The following EMG1 variants were observed in gnomAD, a reference collection of about 807,000 sequenced individuals.
EMG1 encodes EMG1 N1-specific pseudouridine methyltransferase, also known as ribosomal RNA small subunit methyltransferase NEP1.
EMG1 carries 24 observed loss-of-function variants against 26.9 expected under a neutral mutation model. The ratio of observed to expected loss-of-function variants is 0.89; its 90% CI spans 0.65 to 1.26. EMG1 has a LOEUF of 1.26. Among genes scored for constraint, EMG1 ranks in the 50% most tolerant of loss-of-function variants. EMG1 has a pLI of 0.00. For synonymous variants in EMG1, 140 were observed against 112.6 expected (o/e 1.24, Z -1.54); for missense variants, 299 against 307.6 (o/e 0.97, Z 0.21).
chr12:6,979,604 T>A lies in EMG1; in HGVS notation c.*3795T>A. On this transcript the variant is annotated 3_prime_UTR_variant, in exon 6 of 6. Transcript: ENST00000599672. ...GCTGGAAAGGAACGAGTGAAGTTCC[T>A]GGTCACAGAGAGCAGAGACTATTCC... The A allele has an allele frequency of 6.6e-7, 1 of 1,508,450 alleles. No individual in the cohort carries two copies. Among genetic ancestry groups the A allele is most frequent in the Admixed American group, 1.7e-5 (1 of 59,818 alleles). The allele number at this position is 1,508,450 out of a possible 1,614,324, so 93.4% of individuals were successfully genotyped here.
chr12:6,981,045 C>T (rs782595214), downstream of EMG1: 3 of 1,610,652 alleles, frequency 1.9e-6, no homozygotes, highest in Non-Finnish European at 2.5e-6. Flanking sequence ...GCTCTCCCTG[C>T]ACCAGCTTCA....
At position 6,978,814 on chromosome 12, in the gene EMG1, C is replaced by A. The variant is rs1219626963; in HGVS notation, c.*3005C>A. ...TGCCTGAGTCCTGCTGCCAGATGCC[C>A]TCAATAGTCTGGCCTGATTGCCTTC... On this transcript the variant is annotated 3_prime_UTR_variant, in exon 6 of 6. Coordinates refer to ENST00000599672, the MANE Select transcript of EMG1 (RefSeq NM_006331.8). 2.2e-6 allele frequency: 3 copies of A among 1,386,470 alleles called. No homozygotes were observed. Among genetic ancestry groups the A allele is most frequent in the African/African-American group, 1.4e-5 (1 of 69,032 alleles). The allele number at this position is 1,386,470 out of a possible 1,614,324, so 85.9% of individuals were successfully genotyped here. A position where few individuals can be genotyped will look rare whatever the true frequency, so the allele number is the denominator to read the frequency against.
chr12:6,988,051 A>T, intron 7 of EMG1: 1 of 191,860 alleles, frequency 5.2e-6, no homozygotes. Flanking sequence ...TTAAAGGTGT[A>T]AAAAAAAAAA....
chr12:6,997,377 TTATGTGTGTGTG>T (rs1413388090), exon 8 of EMG1: 6 of 91,666 alleles, frequency 6.5e-5, no homozygotes, highest in African/African-American at 2.9e-4. Context: ...CAACAGCAAA[TTATGTGTGTGTG>T]TGTGTGTGTG....
downstream of EMG1, among the ~76,000 whole-genome samples, chr12:6,991,547 T>C (rs1946590576): frequency 6.6e-6 from 1 of 152,212 alleles, no homozygotes; most frequent in Non-Finnish European, 1.5e-5. Context: ...AGTCTGTATA[T>C]ATTGAAAAGT....
intron 7 of EMG1, among the ~76,000 whole-genome samples, chr12:6,995,122 T>A (rs1279928638): frequency 5.4e-4 from 3 of 5,596 alleles, no homozygotes; most frequent in Admixed American, 5.0e-3. Flanking sequence ...TTCTCTGGGC[T>A]TTTTTTTTTT....
At chr12:6,981,482 TG>T, downstream of EMG1, 2 of 1,046,964 alleles carry the variant, frequency 1.9e-6, no homozygotes, top group Non-Finnish European at 3.0e-6. Flanking sequence ...TTGCACAGGC[TG>T]GGGAATGAGG....
chr12:6,981,789 G>T, downstream of EMG1: 3 of 1,586,876 alleles, frequency 1.9e-6, no homozygotes, highest in Non-Finnish European at 2.6e-6. Context: ...TGTAAGGAAG[G>T]CAGGCAGTGA....
In EMG1 at chr12:6,979,365, A is replaced by T; in HGVS notation, c.*3556A>T. 2.5e-6 allele frequency: 2 copies of T among 816,214 alleles called. No homozygotes were observed. The highest frequency in any genetic ancestry group is 4.0e-6 in the Non-Finnish European group (2 of 495,428). 50.6% of individuals were successfully genotyped at this position (816,214 alleles called of 1,614,324 possible). On this transcript the variant is annotated 3_prime_UTR_variant, in exon 6 of 6. Transcript: ENST00000599672. The stretch of plus-strand genomic sequence containing the variant: ...CAGATCTAGAGCAAAACCAACATGC[A>T]CTTGTAGATGATATTTCCTACTTCT...
intron 5 of EMG1, 23 bp from the exon 6 acceptor site, chr12:6,975,673 T>A (rs1555153054): frequency 3.3e-6 from 5 of 1,498,612 alleles, no homozygotes; most frequent in Non-Finnish European, 4.7e-6. Context: ...CAGAGTTGGC[T>A]GACAAAACTG....
rs1445370848 is a variant in EMG1 at position 6,979,210 on chromosome 12, G to T, written c.*3401G>T. On this transcript the variant is annotated 3_prime_UTR_variant, in exon 6 of 6. Transcript: ENST00000599672. ...CTGAGGGGTCACGTGGATGTGATAAGGCAAGCTAGGAGCGGCTCCTAGAGA... is the reference window on the plus strand; with the variant it reads ...CTGAGGGGTCACGTGGATGTGATAATGCAAGCTAGGAGCGGCTCCTAGAGA... 2 of 519,338 alleles carry T rather than the reference G, an allele frequency of 3.9e-6. No homozygotes were observed. Among genetic ancestry groups the T allele is most frequent in the Non-Finnish European group, 6.9e-6 (2 of 290,636 alleles). The allele number at this position is 519,338 out of a possible 1,614,324, so 32.2% of individuals were successfully genotyped here.
chr12:6,979,982 G>A (rs1555153862), downstream of EMG1: 1 of 167,194 alleles, frequency 6.0e-6, no homozygotes, highest in African/African-American at 2.4e-5. Context: ...AACACAGGAT[G>A]GACAAGTTCT....
chr12:6,989,545 G>A (rs1946567969), downstream of EMG1, among the ~76,000 whole-genome samples: 1 of 151,954 alleles, frequency 6.6e-6, no homozygotes, highest in Non-Finnish European at 1.5e-5. Context: ...TGATCCGCCC[G>A]CCTCGGCCTC....
Position 6,975,914 on chromosome 12 carries a change from A to C in EMG1, c.*105A>C. 2.8e-6 allele frequency: 2 copies of C among 726,424 alleles called. No individual in the cohort carries two copies. Among genetic ancestry groups the C allele is most frequent in the South Asian group, 1.6e-5 (1 of 61,076 alleles). 45.0% of individuals were successfully genotyped at this position (726,424 alleles called of 1,614,324 possible). A position where few individuals can be genotyped will look rare whatever the true frequency, so the allele number is the denominator to read the frequency against. On this transcript the variant is annotated 3_prime_UTR_variant, in exon 6 of 6. Coordinates refer to ENST00000599672, the MANE Select transcript of EMG1 (RefSeq NM_006331.8). ...TGATCTTTCTGCACTGAGACTGTGG[A>C]GTTTGGGGAAGCCAAGGCTGTACAT...
rs1946436133 is a variant in EMG1, at chr12:6,978,599, T to G, written c.*2790T>G. 1 of 1,614,144 alleles carries G rather than the reference T, an allele frequency of 6.2e-7. No individual in the cohort carries two copies. On this transcript the variant is annotated 3_prime_UTR_variant, in exon 6 of 6. Coordinates refer to ENST00000599672, the MANE Select transcript of EMG1 (RefSeq NM_006331.8). ...TAGGACCTTGTTTCAACTTTTCTAC[T>G]TACTGTGACCAGCCAACAGGTGACA... is the stretch of plus-strand genomic sequence containing the variant.
chr12:6,989,563 G>T (rs1448114376), downstream of EMG1, among the ~76,000 whole-genome samples: 2 of 152,072 alleles, frequency 1.3e-5, no homozygotes, highest in Non-Finnish European at 2.9e-5. Flanking sequence ...CTCCCAAAGT[G>T]CTGGGATTAC....
Position 6,974,574 on chromosome 12 carries a change from G to A in EMG1, c.293G>A (p.Ser98Asn), listed in dbSNP as rs781831826. The change falls in exon 3 of 6, where the codon AGT (serine) becomes AAT (asparagine). Residue 98 changes from serine to asparagine, a missense_variant. Ser to Asn is a conservative substitution (Grantham distance 46). Coordinates refer to ENST00000599672, the MANE Select transcript of EMG1 (RefSeq NM_006331.8). Reference protein sequence around the residue: ...THQSLLMLMDSPLNRAGLLQV... With the variant: ...THQSLLMLMDNPLNRAGLLQV... ...CAGAGTTTGCTGATGCTGATGGATA[G>A]TCCCCTGAACCGAGCTGGCTTGCTA... is the stretch of plus-strand genomic sequence containing the variant. The A allele has an allele frequency of 6.2e-7, 1 of 1,613,870 alleles. No homozygotes were observed. Among genetic ancestry groups the A allele is most frequent in the Non-Finnish European group, 8.5e-7 (1 of 1,179,796 alleles).
chr12:6,996,882 A>C (rs1392337518), intron 7 of EMG1, among the ~76,000 whole-genome samples: 2 of 152,236 alleles, frequency 1.3e-5, no homozygotes, highest in Non-Finnish European at 2.9e-5. Flanking sequence ...TGTAGTAAAG[A>C]CACAGCGGTA....
rs1946428403 is a variant in EMG1, at chr12:6,978,011, CACTCT to C, written c.*2207_*2211del. 1.8e-6 allele frequency: 1 copy of C among 564,408 alleles called. No homozygotes were observed. The highest frequency in any genetic ancestry group is 3.2e-6 in the Non-Finnish European group (1 of 316,480). The allele number at this position is 564,408 out of a possible 1,614,324, so 35.0% of individuals were successfully genotyped here. On this transcript the variant is annotated 3_prime_UTR_variant, in exon 6 of 6. Coordinates refer to ENST00000599672, the MANE Select transcript of EMG1 (RefSeq NM_006331.8). Reference sequence around the variant, plus strand: ...ATGCTGAGATCAGTGGTGAACCAGACACTCTACTCAAGCTGCCCACACTCTAGTGG... The same window carrying C: ...ATGCTGAGATCAGTGGTGAACCAGACACTCAAGCTGCCCACACTCTAGTGG...
Sources: allele counts gnomAD v4.1 joint callset (sites outside exome capture counted in the v4.1 genomes callset), GRCh38; gene constraint gnomAD v4.1.1; transcripts MANE v1.5; gene names NCBI Gene and HGNC (gene_info 2026-07-23, HGNC 2026-07-21).